Variants in USP45 observed in about 807,000 individuals in gnomAD.
USP45 encodes the protein ubiquitin specific peptidase 45.
A neutral mutation model predicts 95.8 loss-of-function variants in USP45; 89 were observed. That is an observed-to-expected ratio of 0.93 (90% CI 0.78 to 1.11). The LOEUF is 1.11. USP45 is among the 50% of genes least tolerant of loss of function. The pLI is 0.00. For synonymous variants in USP45, 281 were observed against 316.2 expected (o/e 0.89, Z 1.18); for missense variants, 898 against 942.5 (o/e 0.95, Z 0.62).
intron 8 of USP45, 152 bp from the exon 9 acceptor site, chr6:99,476,382 G>T: frequency 1.4e-6 from 1 of 694,560 alleles, no homozygotes; most frequent in South Asian, 1.9e-5. Flanking sequence ...CCAAGGGGCA[G>T]ATCACTTGAG....
intron 1 of USP45, among the ~76,000 whole-genome samples, chr6:99,511,260 T>G (rs765898551): frequency 7.9e-5 from 12 of 152,018 alleles, no homozygotes; most frequent in Non-Finnish European, 1.0e-4. Flanking sequence ...CAAGCAATTC[T>G]CCTGCCTCAG....
intron 3 of USP45, 81 bp from the exon 4 acceptor site, chr6:99,507,612 T>C: frequency 1.1e-6 from 1 of 940,594 alleles, no homozygotes. Flanking sequence ...ATACTCACAC[T>C]TATACTGAAA....
chr6:99,509,752 A>G (rs1410897818), intron 2 of USP45, among the ~76,000 whole-genome samples: 3 of 152,190 alleles, frequency 2.0e-5, no homozygotes, highest in Non-Finnish European at 4.4e-5. Flanking sequence ...GGTGATTCTA[A>G]TATTTATGCA....
chr6:99,480,519 T>C (rs375331279), intron 8 of USP45, among the ~76,000 whole-genome samples: 2 of 151,840 alleles, frequency 1.3e-5, no homozygotes, highest in East Asian at 3.9e-4. Flanking sequence ...CTAGTAAAAA[T>C]ACAAAATTAG....
intron 9 of USP45, among the ~76,000 whole-genome samples, chr6:99,472,714 A>C (rs955347134): frequency 2.2e-4 from 34 of 152,276 alleles, no homozygotes; most frequent in African/African-American, 8.2e-4. Flanking sequence ...ACATGCATCT[A>C]CCCCTCAACA....
At chr6:99,463,248 A>C (rs11154866) in intron 13 of USP45, among the ~76,000 whole-genome samples, 22,314 of 152,104 alleles carry the variant, frequency 0.15, 2,357 homozygotes, top group Non-Finnish European at 0.21. Flanking sequence ...TCCCTAGTAA[A>C]ATAATAGATC....
chr6:99,465,503 A>G (rs1056370881), intron 11 of USP45, among the ~76,000 whole-genome samples: 17 of 152,186 alleles, frequency 1.1e-4, no homozygotes, highest in Non-Finnish European at 5.9e-5. Flanking sequence ...AGCCATGAAA[A>G]AAAGCAGAGA....
At chr6:99,448,963 A>G (rs1783185986) in intron 13 of USP45, among the ~76,000 whole-genome samples, 1 of 152,194 alleles carries the variant, frequency 6.6e-6, no homozygotes, top group African/African-American at 2.4e-5. Flanking sequence ...TTTACAGACA[A>G]GCAAATGCTG....
Position 99,454,755 on chromosome 6 carries a change from C to T in USP45, c.1309-8292G>A, listed in dbSNP as rs368219914. ...ATGTGGAGAAAAGGAGTCTGAAACA[C>T]GGTTGGTGGGAATGTAATTAGTACA... is the stretch of plus-strand genomic sequence containing the variant. On this transcript the variant is annotated intron_variant, in intron 13 of 17. Coordinates refer to ENST00000500704, the MANE Select transcript of USP45 (RefSeq NM_001346022.3). Among the ~76,000 whole-genome samples, 17 of 152,188 alleles carry T rather than the reference C, an allele frequency of 1.1e-4. No individual in the cohort carries two copies. The East Asian group carries it at 1.4e-3, about 12-fold the overall frequency.
intron 11 of USP45, among the ~76,000 whole-genome samples, chr6:99,465,611 G>A (rs554806624): frequency 3.6e-4 from 55 of 152,246 alleles, no homozygotes; most frequent in Non-Finnish European, 7.1e-4. Flanking sequence ...GAATAGTCTA[G>A]AAACTTAAAT....
chr6:99,474,577 G>A (rs779164273), intron 9 of USP45, among the ~76,000 whole-genome samples: 7 of 152,140 alleles, frequency 4.6e-5, no homozygotes, highest in Non-Finnish European at 8.8e-5. Flanking sequence ...TGAACACTTG[G>A]CTGCTTTTAT....
intron 13 of USP45, chr6:99,461,602 C>T (rs2128615283): frequency 2.0e-6 from 2 of 985,190 alleles, no homozygotes; most frequent in South Asian, 9.4e-5. Flanking sequence ...GCAAGATTTT[C>T]TCAGCTAATT....
chr6:99,472,993 C>G (rs1789824401), intron 9 of USP45, among the ~76,000 whole-genome samples: 1 of 151,696 alleles, frequency 6.6e-6, no homozygotes, highest in Non-Finnish European at 1.5e-5. Flanking sequence ...GGGGACTACG[C>G]TAATATCCTC....
At chr6:99,468,320 T>C in intron 10 of USP45, 2 of 539,158 alleles carry the variant, frequency 3.7e-6, no homozygotes, top group Admixed American at 2.8e-5. Context: ...TCAATCTGTA[T>C]ACTTGGTATA....
intron 10 of USP45, among the ~76,000 whole-genome samples, 155 bp from the exon 11 acceptor site, chr6:99,466,918 T>C (rs963612064): frequency 6.6e-6 from 1 of 152,208 alleles, no homozygotes; most frequent in Non-Finnish European, 1.5e-5. Flanking sequence ...TTCTAAAGTC[T>C]TTCTCCTTTA....
At chr6:99,478,216 ATTTGTT>A (rs1246116502) in intron 8 of USP45, among the ~76,000 whole-genome samples, 3 of 114,928 alleles carry the variant, frequency 2.6e-5, no homozygotes, top group Admixed American at 2.3e-4. Flanking sequence ...ATAAACTTAG[ATTTGTT>A]TTTTTTTTTT....
At chr6:99,482,041 G>A (rs1383099825) in intron 8 of USP45, among the ~76,000 whole-genome samples, 3 of 152,038 alleles carry the variant, frequency 2.0e-5, no homozygotes, top group Non-Finnish European at 4.4e-5. Context: ...ATTAAAATGA[G>A]ATTTTAAAGT....
intron 9 of USP45, among the ~76,000 whole-genome samples, chr6:99,472,754 C>T (rs967987756): frequency 1.3e-5 from 2 of 152,114 alleles, no homozygotes; most frequent in Admixed American, 1.3e-4. Flanking sequence ...ATTATTGAAT[C>T]CAATTTAATA....
intron 13 of USP45, chr6:99,461,935 G>A (rs935755520): frequency 1.0e-6 from 1 of 985,278 alleles, no homozygotes; most frequent in Non-Finnish European, 1.2e-6. Context: ...CTGGTTCCAT[G>A]ATTAAACTGG....
Sources: gnomAD v4.1 joint callset for allele counts (sites outside exome capture counted in the v4.1 genomes callset) on GRCh38, gnomAD v4.1.1 for gene constraint, MANE v1.5 for transcripts, NCBI Gene and HGNC (gene_info 2026-07-23, HGNC 2026-07-21) for gene names.